The following PIP5K1C variants were observed in gnomAD, a reference collection of about 807,000 sequenced individuals.
PIP5K1C encodes the protein phosphatidylinositol 4-phosphate 5-kinase type-1 gamma.
In PIP5K1C, 45 loss-of-function variants were observed where a neutral mutation model predicts 80.1. The observed-to-expected ratio is 0.56, with a 90% CI of 0.44 to 0.72. The LOEUF is 0.72. PIP5K1C is among the 30% of genes least tolerant of loss of function. The pLI, the probability that PIP5K1C is intolerant of heterozygous loss-of-function variation, is 0.00. For synonymous variants in PIP5K1C, 498 were observed against 420.1 expected (o/e 1.19, Z -2.27); for missense variants, 753 against 954.6 (o/e 0.79, Z 2.78).
At chr19:3,668,738 G>A (rs2035103170) in intron 1 of PIP5K1C, among the ~76,000 whole-genome samples, 2 of 152,318 alleles carry the variant, frequency 1.3e-5, no homozygotes, top group South Asian at 4.1e-4. Context: ...GCAGGGCTGG[G>A]TGTTTGATGT....
chr19:3,673,876 A>G (rs1201173218), intron 1 of PIP5K1C: 1 of 152,276 alleles, frequency 6.6e-6, no homozygotes, highest in African/African-American at 2.4e-5. Flanking sequence ...TGAGGCTCAG[A>G]CCAGGACCCG....
At position 3,643,385 on chromosome 19, in the gene PIP5K1C, AG is replaced by A; in HGVS notation, c.1511-5del. 1 of 1,613,168 alleles carries A rather than the reference AG, an allele frequency of 6.2e-7. No individual in the cohort carries two copies. ...CAGGGCAGGAGGTCGGGCCGGCCTG[AG>A]GGGAGAGGACTGTGGGCACCTTGCG... is the stretch of plus-strand genomic sequence containing the variant. On this transcript the variant is annotated splice_polypyrimidine_tract_variant and splice_region_variant and intron_variant, in intron 12 of 17. Transcript: ENST00000335312.
Position 3,667,489 on chromosome 19 carries a change from C to T in PIP5K1C, c.95-136G>A, listed in dbSNP as rs1600030405. On this transcript the variant is annotated intron_variant, in intron 1 of 17. Transcript: ENST00000335312. ...GCGTGGGGCTGGTCTCAAGGCTACA[C>T]ACAAGTGAAGACATGGACTGAGTGC... 5 of 945,874 alleles carry T rather than the reference C, an allele frequency of 5.3e-6. No homozygotes were observed. In the East Asian group the frequency reaches 1.2e-4, roughly 23 times the overall value. 58.6% of individuals were successfully genotyped at this position (945,874 alleles called of 1,614,324 possible).
chr19:3,694,911 C>T (rs2036055148), intron 1 of PIP5K1C, among the ~76,000 whole-genome samples: 1 of 152,236 alleles, frequency 6.6e-6, no homozygotes, highest in South Asian at 2.1e-4. Flanking sequence ...CGTAAAGGAC[C>T]GGGCAGCAAG....
chr19:3,643,028 GC>G, intron 13 of PIP5K1C, 89 bp from the exon 14 acceptor site: 1 of 1,531,150 alleles, frequency 6.5e-7, no homozygotes, highest in Non-Finnish European at 9.0e-7. Context: ...CTGCCTACCT[GC>G]CCCCTGGCAG....
At chr19:3,665,712 C>A (rs1186244363) in intron 2 of PIP5K1C, among the ~76,000 whole-genome samples, 1 of 152,272 alleles carries the variant, frequency 6.6e-6, no homozygotes. Flanking sequence ...TGTCGGGCAG[C>A]GCGGGTGTCC....
chr19:3,635,717 C>T (rs1395096417), intron 16 of PIP5K1C, among the ~76,000 whole-genome samples: 1 of 151,478 alleles, frequency 6.6e-6, no homozygotes, highest in South Asian at 2.1e-4. Flanking sequence ...CGGTGGCTTA[C>T]GCCTGTAATC....
chr19:3,672,395 C>G (rs1244021175), intron 1 of PIP5K1C, among the ~76,000 whole-genome samples: 1 of 152,240 alleles, frequency 6.6e-6, no homozygotes, highest in Non-Finnish European at 1.5e-5. Context: ...CCTGCTGAGC[C>G]TGGGGGCTCC....
chr19:3,670,819 C>T (rs1007816253), intron 1 of PIP5K1C, among the ~76,000 whole-genome samples: 3 of 152,072 alleles, frequency 2.0e-5, no homozygotes, highest in Non-Finnish European at 2.9e-5. Context: ...ACTGCAGGGG[C>T]GGGGACGGGG....
chr19:3,639,735 G>A (rs1405148573), intron 15 of PIP5K1C, among the ~76,000 whole-genome samples: 1 of 152,072 alleles, frequency 6.6e-6, no homozygotes, highest in African/African-American at 2.4e-5. Context: ...CAGCCTCTTT[G>A]TTCTTTTCAC....
rs759087283 is a variant in PIP5K1C, at chr19:3,646,047, G to A, written c.1272C>T (p.Ser424=). ...KALVHDGDTV[S]VHRPSFYAER... ...CGGCATAGAAGCTGGGGCGGTGGAC[G>A]GACACCGTGTCCTGGAAGAGAGTTG... is the stretch of plus-strand genomic sequence containing the variant. The change falls in exon 11 of 18, where the codon TCC becomes TCT. Residue 424 remains serine, a synonymous_variant. Transcript: ENST00000335312. 1.0e-4 allele frequency: 162 copies of A among 1,611,756 alleles called. No individual in the cohort carries two copies. Among genetic ancestry groups the A allele is most frequent in the East Asian group, 2.2e-4 (10 of 44,844 alleles).
rs1457880090 is a variant in PIP5K1C, at chr19:3,637,946, A to G, written c.1920+938T>C. 1 of 1,534,674 alleles carries G rather than the reference A, an allele frequency of 6.5e-7. No individual in the cohort carries two copies. The highest frequency in any genetic ancestry group is 2.0e-5 in the Admixed American group (1 of 50,928). On this transcript the variant is annotated intron_variant, in intron 16 of 17. Coordinates refer to ENST00000335312, the MANE Select transcript of PIP5K1C (RefSeq NM_012398.3). This position sits in a 1 kb window ranked among gnomAD's most constrained non-coding sequence, Gnocchi z 7.0. ...ACGTGCGGTGGGTAGGGGCACAGGC[A>G]CGCGGCCCGTCCCTCCCTTCTCCAG... is the stretch of plus-strand genomic sequence containing the variant.
Position 3,696,707 on chromosome 19 carries a change from C to CGGGAGGGCA in PIP5K1C, c.94+3581_94+3589dup, listed in dbSNP as rs1323036778. Among the ~76,000 whole-genome samples, 20 of 105,808 alleles carry CGGGAGGGCA rather than the reference C, an allele frequency of 1.9e-4. No individual in the cohort carries two copies. The highest frequency in any genetic ancestry group is 3.3e-4 in the Non-Finnish European group (15 of 45,832). 69.4% of individuals were successfully genotyped at this position (105,808 alleles called of 152,430 possible). ...CCATGGGCCTACAGCAGAGTGCAGA[C>CGGGAGGGCA]GGGAGGGCAGGGAGGGCAGAGTGCG... On this transcript the variant is annotated intron_variant, in intron 1 of 17. Coordinates refer to ENST00000335312, the MANE Select transcript of PIP5K1C (RefSeq NM_012398.3). This position sits in a 1 kb window ranked among gnomAD's most constrained non-coding sequence, Gnocchi z 4.1.
chr19:3,653,489 A>T lies in PIP5K1C; in HGVS notation c.722T>A (p.Ile241Asn). 6.2e-7 allele frequency: 1 copy of T among 1,613,800 alleles called. No individual in the cohort carries two copies. The highest frequency in any genetic ancestry group is 2.2e-5 in the East Asian group (1 of 44,872). Residue 241 changes from isoleucine to asparagine, a missense_variant, in exon 7 of 18, where the codon ATC becomes AAC. Around this residue, in one of 6 missense-constraint regions of PIP5K1C, gnomAD observed 139 missense variants for 289.7 expected, o/e 0.48. Coordinates refer to ENST00000335312, the MANE Select transcript of PIP5K1C (RefSeq NM_012398.3). ...GTGCATCTTGACCACGCGGGGCAGG[A>T]TGTTGTTCATGACCACGACGCGGAT... ...KNIRVVVMNN[I>N]LPRVVKMHLK...
At chr19:3,687,530 C>T (rs757444141) in intron 1 of PIP5K1C, among the ~76,000 whole-genome samples, 3 of 129,634 alleles carry the variant, frequency 2.3e-5, no homozygotes, top group Admixed American at 7.2e-5. Flanking sequence ...CACATGCACA[C>T]GCACACACAT....
rs1026478422 is a variant in PIP5K1C, at chr19:3,688,796, C to T, written c.94+11501G>A. Among the ~76,000 whole-genome samples the T allele has an allele frequency of 2.6e-5, 4 of 150,966 alleles. No homozygotes were observed. The highest frequency in any genetic ancestry group is 6.6e-5 in the Admixed American group (1 of 15,092). On this transcript the variant is annotated intron_variant, in intron 1 of 17. Transcript: ENST00000335312. This position sits in a 1 kb window ranked among gnomAD's most constrained non-coding sequence, Gnocchi z 5.3. The stretch of plus-strand genomic sequence containing the variant: ...CGAGAGACACACCGAGCTGGTGGGC[C>T]GGGGGAGGGGGACCCACACCCACGT...
At chr19:3,645,906 C>G (rs1445953712) in intron 11 of PIP5K1C, 68 bp downstream of exon 11, 1 of 1,262,838 alleles carries the variant, frequency 7.9e-7, no homozygotes, top group South Asian at 1.2e-5. Flanking sequence ...CGCAGAGTCC[C>G]TCCTGCCCCA....
rs1334882380 is a variant in PIP5K1C, at chr19:3,696,459, A to AG, written c.94+3837dup. 4.6e-5 allele frequency among the ~76,000 whole-genome samples: 7 copies of AG among 152,194 alleles called. No homozygotes were observed. Among genetic ancestry groups the AG allele is most frequent in the Non-Finnish European group, 1.0e-4 (7 of 68,028 alleles). On this transcript the variant is annotated intron_variant, in intron 1 of 17. Coordinates refer to ENST00000335312, the MANE Select transcript of PIP5K1C (RefSeq NM_012398.3). The surrounding 1 kb of genome is among the most constrained non-coding windows in gnomAD (Gnocchi z 4.1). ...CGCTATGGTGGCACAATCAGGGAAG[A>AG]GGAACCGGGAGGGCAGGGGACGGAG... is the stretch of plus-strand genomic sequence containing the variant.
intron 11 of PIP5K1C, among the ~76,000 whole-genome samples, chr19:3,645,658 G>A (rs890701666): frequency 6.6e-6 from 1 of 152,228 alleles, no homozygotes; most frequent in African/African-American, 2.4e-5. Flanking sequence ...TATAAACACT[G>A]TACCCTCACA....
Sources: gnomAD v4.1 joint callset for allele counts (sites outside exome capture counted in the v4.1 genomes callset) on GRCh38, gnomAD v4.1.1 for gene constraint, gnomAD v4.1.1 regional missense constraint, Gnocchi (gnomAD v3.1) non-coding constraint, MANE v1.5 for transcripts, NCBI Gene and HGNC (gene_info 2026-07-23, HGNC 2026-07-21) for gene names.